Variants in ADGRB3 observed in about 807,000 individuals in gnomAD.
ADGRB3 encodes adhesion G protein-coupled receptor B3.
ADGRB3 carries 37 observed loss-of-function variants against 193.4 expected under a neutral mutation model. The observed-to-expected ratio is 0.19, with a 90% CI of 0.15 to 0.25. The LOEUF (loss-of-function observed/expected upper bound fraction) is 0.25, where lower values mean the gene tolerates loss of function less well. Among genes scored for constraint, ADGRB3 ranks in the 10% least tolerant of loss-of-function variants. The pLI, the probability that ADGRB3 is intolerant of heterozygous loss-of-function variation, is 1.00. For missense variants in ADGRB3, 1,637 were observed against 1,852.9 expected, an observed-to-expected ratio of 0.88 and a Z score of 2.14; for synonymous variants, 690 against 644.2, an observed-to-expected ratio of 1.07 and a Z score of -1.08.
intron 3 of ADGRB3, among the ~76,000 whole-genome samples, chr6:68,777,983 C>T (rs567970000): frequency 6.6e-6 from 1 of 152,108 alleles, no homozygotes; most frequent in African/African-American, 2.4e-5. Flanking sequence ...ACCAACAAAG[C>T]CTGTTGATGC....
intron 3 of ADGRB3, among the ~76,000 whole-genome samples, chr6:68,779,102 TTACGTGTGTGTGTA>T (rs1343263494): frequency 6.6e-6 from 1 of 151,910 alleles, no homozygotes; most frequent in Non-Finnish European, 1.5e-5. Context: ...CACGTACATA[TTACGTGTGTGTGTA>T]TACACACACA....
chr6:68,644,640 G>A (rs1299655033), intron 3 of ADGRB3, among the ~76,000 whole-genome samples: 1 of 152,108 alleles, frequency 6.6e-6, no homozygotes, highest in Non-Finnish European at 1.5e-5. Flanking sequence ...TGTTAGTGAT[G>A]GAATATTATT....
intron 3 of ADGRB3, among the ~76,000 whole-genome samples, chr6:68,808,354 T>C (rs1195386068): frequency 6.6e-6 from 1 of 151,946 alleles, no homozygotes; most frequent in African/African-American, 2.4e-5. Flanking sequence ...GGAACAGTTC[T>C]CGGACTCACA....
At chr6:68,911,064 T>C (rs1023246296) in intron 3 of ADGRB3, among the ~76,000 whole-genome samples, 4 of 152,030 alleles carry the variant, frequency 2.6e-5, no homozygotes, top group Non-Finnish European at 4.4e-5. Context: ...ATGTGGCACA[T>C]ATACACCATG....
chr6:68,847,089 C>T (rs1768292581), intron 3 of ADGRB3, among the ~76,000 whole-genome samples: 1 of 152,124 alleles, frequency 6.6e-6, no homozygotes, highest in African/African-American at 2.4e-5. Context: ...TAGACTGTCC[C>T]ACTGGATTTC....
chr6:68,749,790 CTG>C (rs919777025), intron 3 of ADGRB3, among the ~76,000 whole-genome samples: 1 of 152,050 alleles, frequency 6.6e-6, no homozygotes, highest in African/African-American at 2.4e-5. Flanking sequence ...TCAAAATAGT[CTG>C]TATCTGGCAT....
chr6:68,635,723 T>G lies in ADGRB3; in HGVS notation c.-465T>G, dbSNP rs2127272278. 1 of 152,340 alleles carries G rather than the reference T, an allele frequency of 6.6e-6. No homozygotes were observed. The highest frequency in any genetic ancestry group is 2.4e-5 in the African/African-American group (1 of 41,518). 9.4% of individuals were successfully genotyped at this position (152,340 alleles called of 1,614,324 possible). A position where few individuals can be genotyped will look rare whatever the true frequency, so the allele number is the denominator to read the frequency against. Reference sequence around the variant, plus strand: ...TCTCCCTCCCTTTAGCCCCCCTCGGTTTGGAGGTTGGATTCAGTTGGATAC... The same window carrying G: ...TCTCCCTCCCTTTAGCCCCCCTCGGGTTGGAGGTTGGATTCAGTTGGATAC... On this transcript the variant is annotated 5_prime_UTR_variant, in exon 1 of 32. Transcript: ENST00000370598.
chr6:69,183,025 T>C (rs1409659425), intron 17 of ADGRB3, among the ~76,000 whole-genome samples: 1 of 152,150 alleles, frequency 6.6e-6, no homozygotes, highest in Non-Finnish European at 1.5e-5. Context: ...ATGGCACTAC[T>C]GTCACATGGA....
At chr6:68,951,493 A>G (rs1767918375) in intron 6 of ADGRB3, among the ~76,000 whole-genome samples, 1 of 152,118 alleles carries the variant, frequency 6.6e-6, no homozygotes, top group African/African-American at 2.4e-5. Context: ...CTACATGTTC[A>G]TAAGAGCAGA....
chr6:68,862,813 A>G (rs772460400), intron 3 of ADGRB3, among the ~76,000 whole-genome samples: 2 of 152,080 alleles, frequency 1.3e-5, no homozygotes, highest in Non-Finnish European at 2.9e-5. Context: ...CATATTACAT[A>G]TTTCTATTGC....
chr6:69,346,639 A>G (rs1037977703), intron 26 of ADGRB3, among the ~76,000 whole-genome samples: 15 of 152,258 alleles, frequency 9.9e-5, no homozygotes, highest in African/African-American at 3.4e-4. Context: ...AATGCAAATC[A>G]AAACCTCAGT....
At chr6:69,319,655 T>A (rs1768401864) in intron 20 of ADGRB3, among the ~76,000 whole-genome samples, 1 of 151,442 alleles carries the variant, frequency 6.6e-6, no homozygotes, top group Admixed American at 6.6e-5. Context: ...CTGTATCTTC[T>A]TTGTGCCTTG....
chr6:68,811,304 G>T (rs1020714080), intron 3 of ADGRB3, among the ~76,000 whole-genome samples: 3 of 151,968 alleles, frequency 2.0e-5, no homozygotes, highest in Admixed American at 6.6e-5. Context: ...AATCCATTGA[G>T]ATTTCTACAT....
intron 3 of ADGRB3, among the ~76,000 whole-genome samples, chr6:68,695,966 G>T (rs1290889255): frequency 2.0e-5 from 3 of 151,912 alleles, no homozygotes; most frequent in Non-Finnish European, 2.9e-5. Flanking sequence ...TTTTGTTGTG[G>T]ATTTTCTTAG....
intron 3 of ADGRB3, among the ~76,000 whole-genome samples, chr6:68,810,465 A>G (rs1352154005): frequency 6.6e-6 from 1 of 152,184 alleles, no homozygotes; most frequent in Non-Finnish European, 1.5e-5. Context: ...GGCTGAGCGA[A>G]CAGATGAAAT....
chr6:69,059,343 T>C (rs1412132976), intron 15 of ADGRB3, among the ~76,000 whole-genome samples: 2 of 152,152 alleles, frequency 1.3e-5, no homozygotes, highest in Non-Finnish European at 2.9e-5. Flanking sequence ...AGTCTATGGA[T>C]GCCCTTATAT....
intron 29 of ADGRB3, among the ~76,000 whole-genome samples, chr6:69,365,438 C>A (rs558289436): frequency 6.6e-6 from 1 of 152,132 alleles, no homozygotes; most frequent in Admixed American, 6.6e-5. Flanking sequence ...ACCTCTTCTG[C>A]GAATCCCTGG....
At chr6:69,251,581 A>G (rs935360095) in intron 20 of ADGRB3, among the ~76,000 whole-genome samples, 8 of 152,206 alleles carry the variant, frequency 5.3e-5, no homozygotes, top group Middle Eastern at 3.2e-3. Context: ...AGATATTATA[A>G]GAATCAAGTA....
At chr6:68,750,672 G>A (rs1039000403) in intron 3 of ADGRB3, among the ~76,000 whole-genome samples, 4 of 151,900 alleles carry the variant, frequency 2.6e-5, no homozygotes, top group African/African-American at 7.3e-5. Flanking sequence ...GAGCTCTTTC[G>A]CTGTGTGTTT....
Sources: allele counts gnomAD v4.1 joint callset (sites outside exome capture counted in the v4.1 genomes callset), GRCh38; gene constraint gnomAD v4.1.1; transcripts MANE v1.5; gene names NCBI Gene and HGNC (gene_info 2026-07-23, HGNC 2026-07-21).